Variants in LRP1B observed in about 807,000 individuals in gnomAD.
LRP1B encodes low-density lipoprotein receptor-related protein 1B.
A neutral mutation model predicts 556.6 loss-of-function variants in LRP1B; 217 were observed. That is an observed-to-expected ratio of 0.39 (90% CI 0.35 to 0.44). LRP1B has a LOEUF of 0.44. LRP1B is among the 20% of genes least tolerant of loss of function. The pLI, the probability that LRP1B is intolerant of heterozygous loss-of-function variation, is 1.00. For missense variants in LRP1B, 5,053 were observed against 5,620.8 expected (o/e 0.90, Z 3.23); for synonymous variants, 2,047 against 1,865.8 (o/e 1.10, Z -2.50).
chr2:140,451,111 T>G lies in LRP1B; in HGVS notation c.9964-450A>C, dbSNP rs1686867753. On this transcript the variant is annotated intron_variant, in intron 62 of 90. Transcript: ENST00000389484. The stretch of plus-strand genomic sequence containing the variant: ...TACATGCCACCTCGCCCAGAAAATT[T>G]TTATATTTTTTGTAAAGATGAGGTT... Among the ~76,000 whole-genome samples the G allele has an allele frequency of 2.0e-5, 3 of 152,108 alleles. No individual in the cohort carries two copies. In the South Asian group the frequency reaches 6.2e-4, roughly 32 times the overall value.
intron 10 of LRP1B, among the ~76,000 whole-genome samples, chr2:141,053,850 T>G (rs184400383): frequency 1.1e-5 from 1 of 92,312 alleles, no homozygotes; most frequent in Non-Finnish European, 2.5e-5. Flanking sequence ...GTGTGTGTGA[T>G]TATATTTCCC....
intron 1 of LRP1B, among the ~76,000 whole-genome samples, chr2:141,896,826 C>T (rs886676899): frequency 3.9e-5 from 6 of 152,116 alleles, no homozygotes; most frequent in Non-Finnish European, 8.8e-5. Context: ...CATTCCAAAT[C>T]TAAAAATAGA....
chr2:141,683,791 C>G (rs1021608552), intron 2 of LRP1B, among the ~76,000 whole-genome samples: 4 of 152,032 alleles, frequency 2.6e-5, no homozygotes, highest in African/African-American at 9.7e-5. Flanking sequence ...GACTAGAAAG[C>G]CAAAGATGTG....
intron 1 of LRP1B, among the ~76,000 whole-genome samples, chr2:141,837,650 C>T (rs927060341): frequency 9.2e-5 from 14 of 152,038 alleles, no homozygotes; most frequent in African/African-American, 2.9e-4. Flanking sequence ...CTGGATTTAC[C>T]TGCTTCATCT....
At chr2:141,317,965 T>G (rs1687091974) in intron 3 of LRP1B, among the ~76,000 whole-genome samples, 1 of 152,134 alleles carries the variant, frequency 6.6e-6, no homozygotes, top group African/African-American at 2.4e-5. Flanking sequence ...AAAATTAACA[T>G]TTTAATCAGT....
chr2:140,604,522 C>T (rs1284600699), intron 41 of LRP1B, among the ~76,000 whole-genome samples: 1 of 152,126 alleles, frequency 6.6e-6, no homozygotes, highest in Non-Finnish European at 1.5e-5. Context: ...ATACTTTCAT[C>T]TCATCACCAC....
At chr2:142,013,008 G>A (rs568268043) in intron 1 of LRP1B, among the ~76,000 whole-genome samples, 9 of 152,236 alleles carry the variant, frequency 5.9e-5, no homozygotes, top group African/African-American at 2.2e-4. Context: ...CACAGAAGTG[G>A]GAAAGCACTG....
intron 1 of LRP1B, among the ~76,000 whole-genome samples, chr2:141,841,800 T>C (rs1574417570): frequency 1.3e-5 from 2 of 152,258 alleles, no homozygotes; most frequent in East Asian, 3.9e-4. Context: ...AGCAAGAGGG[T>C]TACCTGCTGA....
intron 3 of LRP1B, among the ~76,000 whole-genome samples, chr2:141,468,844 C>T (rs188656739): frequency 1.0e-3 from 155 of 152,254 alleles, no homozygotes; most frequent in Middle Eastern, 3.4e-3. Context: ...TAGGGCTTGT[C>T]CTTCCCATTC....
At chr2:141,159,964 G>A (rs1402646119) in intron 7 of LRP1B, among the ~76,000 whole-genome samples, 1 of 152,006 alleles carries the variant, frequency 6.6e-6, no homozygotes, top group African/African-American at 2.4e-5. Flanking sequence ...GACACAGAGA[G>A]GGTAACAACA....
intron 86 of LRP1B, among the ~76,000 whole-genome samples, chr2:140,255,858 T>G (rs2104916067): frequency 6.6e-6 from 1 of 152,352 alleles, no homozygotes; most frequent in South Asian, 2.1e-4. Context: ...GGAAACTTTT[T>G]ACATATAAGA....
chr2:142,098,405 T>C (rs1450773007), intron 1 of LRP1B, among the ~76,000 whole-genome samples: 2 of 151,784 alleles, frequency 1.3e-5, no homozygotes, highest in Non-Finnish European at 2.9e-5. Context: ...AATTGCTAAG[T>C]CTGTGCTGTA....
Position 141,163,817 on chromosome 2 carries a change from G to A in LRP1B, c.1013+24604C>T, listed in dbSNP as rs201181858. On this transcript the variant is annotated intron_variant, in intron 7 of 90. Transcript: ENST00000389484. ...TTCTTTATAAATCACCCAGTCTCAG[G>A]TATATTTTTATCTGCAGCATGAAAA... is the stretch of plus-strand genomic sequence containing the variant. Among the ~76,000 whole-genome samples, 150 of 152,034 alleles carry A rather than the reference G, an allele frequency of 9.9e-4. 1 individual carries two copies. The highest frequency in any genetic ancestry group is 3.5e-3 in the South Asian group (17 of 4,816).
At chr2:140,712,957 T>C (rs1200245584) in intron 37 of LRP1B, among the ~76,000 whole-genome samples, 1 of 152,106 alleles carries the variant, frequency 6.6e-6, no homozygotes, top group Non-Finnish European at 1.5e-5. Flanking sequence ...GTTCTTTTTT[T>C]TCTCTCTCCT....
At chr2:141,233,978 G>A (rs1298934896) in intron 5 of LRP1B, among the ~76,000 whole-genome samples, 1 of 151,976 alleles carries the variant, frequency 6.6e-6, no homozygotes, top group Non-Finnish European at 1.5e-5. Context: ...CTCCCAGCAT[G>A]TGCACATCAA....
At position 140,962,552 on chromosome 2, in the gene LRP1B, G is replaced by C. The variant is rs544128830; in HGVS notation, c.2888-10612C>G. Among the ~76,000 whole-genome samples the C allele has an allele frequency of 1.5e-3, 224 of 152,282 alleles. 1 individual carries two copies. Among genetic ancestry groups the C allele is most frequent in the Non-Finnish European group, 2.5e-3 (171 of 68,022 alleles). ...TACGGTGTTCTGTAGCTTCTTCTCTGAAGAGGAGGTTGGCTCCAGACAACT... is the reference window on the plus strand; with the variant it reads ...TACGGTGTTCTGTAGCTTCTTCTCTCAAGAGGAGGTTGGCTCCAGACAACT... On this transcript the variant is annotated intron_variant, in intron 18 of 90. Transcript: ENST00000389484.
chr2:140,922,866 A>T (rs1438079641), intron 21 of LRP1B, 99 bp downstream of exon 21: 1 of 1,034,440 alleles, frequency 9.7e-7, no homozygotes, highest in African/African-American at 1.6e-5. Context: ...CAAAAATATA[A>T]GATTACTTTT....
chr2:140,877,150 A>G (rs1693334508), intron 25 of LRP1B, among the ~76,000 whole-genome samples: 1 of 152,162 alleles, frequency 6.6e-6, no homozygotes, highest in Non-Finnish European at 1.5e-5. Flanking sequence ...GAAGATAGAC[A>G]ACTTAAACTT....
intron 37 of LRP1B, 123 bp from the exon 38 acceptor site, chr2:140,702,676 G>T: frequency 1.2e-6 from 1 of 862,292 alleles, no homozygotes; most frequent in Non-Finnish European, 1.8e-6. Flanking sequence ...AATACATTTC[G>T]GAAGTTAATA....
Sources: allele counts gnomAD v4.1 joint callset (sites outside exome capture counted in the v4.1 genomes callset), GRCh38; gene constraint gnomAD v4.1.1; transcripts MANE v1.5; gene names NCBI Gene and HGNC (gene_info 2026-07-23, HGNC 2026-07-21).